Variants in XRN2 observed in about 807,000 individuals in gnomAD.
XRN2 encodes the protein DHM1-like protein.
In XRN2, 44 loss-of-function variants were observed where a neutral mutation model predicts 138.5. That is an observed-to-expected ratio of 0.32 (90% CI 0.25 to 0.41). The LOEUF (loss-of-function observed/expected upper bound fraction) is 0.41, where lower values mean the gene tolerates loss of function less well. XRN2 is among the 10% of genes least tolerant of loss of function. The probability of loss-of-function intolerance (pLI) is 1.00; values close to 1 mark genes in which losing one functional copy is unlikely to be tolerated. For missense variants in XRN2, 937 were observed against 1,169.3 expected (o/e 0.80, Z 2.90); for synonymous variants, 354 against 369.4 (o/e 0.96, Z 0.48).
At chr20:21,364,077 G>T (rs1269327522) in intron 24 of XRN2, among the ~76,000 whole-genome samples, 1 of 151,984 alleles carries the variant, frequency 6.6e-6, no homozygotes. Flanking sequence ...GACTACAGGC[G>T]CCCGCCACCA....
chr20:21,347,069 A>G (rs1214133529), intron 17 of XRN2, among the ~76,000 whole-genome samples: 1 of 152,206 alleles, frequency 6.6e-6, no homozygotes, highest in East Asian at 1.9e-4. Context: ...AAACAAAGCT[A>G]ATTTTTGTTA....
chr20:21,386,820 C>A, intron 28 of XRN2, 48 bp from the exon 29 acceptor site: 1 of 1,572,886 alleles, frequency 6.4e-7, no homozygotes, highest in Non-Finnish European at 8.7e-7. Flanking sequence ...AGGCTTTGTG[C>A]TGTATAATAG....
intron 28 of XRN2, among the ~76,000 whole-genome samples, chr20:21,382,702 T>C (rs921252954): frequency 6.6e-6 from 1 of 152,212 alleles, no homozygotes; most frequent in South Asian, 2.1e-4. Flanking sequence ...CATGGTTTAA[T>C]AACAAGGGAT....
intron 27 of XRN2, among the ~76,000 whole-genome samples, chr20:21,375,279 C>G (rs1205392030): frequency 7.1e-6 from 1 of 141,430 alleles, no homozygotes; most frequent in Non-Finnish European, 1.5e-5. Flanking sequence ...GATATTTGTT[C>G]TTTTCCCTCC....
Position 21,332,399 on chromosome 20 carries a change from G to T in XRN2, c.817G>T (p.Val273Phe), listed in dbSNP as rs763622887. The change falls in exon 9 of 30, where the codon GTC (valine) becomes TTC (phenylalanine). Residue 273 changes from valine (V) to phenylalanine (F), a missense_variant. Coordinates refer to ENST00000377191, the MANE Select transcript of XRN2 (RefSeq NM_012255.5). ...CGLCNQFGHE[V>F]KDCEGLPREK... ...TCTTTGTAATCAGTTTGGACATGAG[G>T]TCAAAGATTGTGAAGGTTTGCCAAG... 1 of 1,612,472 alleles carries T rather than the reference G, an allele frequency of 6.2e-7. No homozygotes were observed. The highest frequency in any genetic ancestry group is 8.5e-7 in the Non-Finnish European group (1 of 1,179,132).
chr20:21,375,903 A>G (rs577227794), intron 27 of XRN2, among the ~76,000 whole-genome samples: 8 of 151,674 alleles, frequency 5.3e-5, no homozygotes, highest in Admixed American at 3.9e-4. Context: ...CAGTGGCGCA[A>G]TCTCGGCTCA....
At chr20:21,317,102 C>G (rs1239389035) in intron 1 of XRN2, among the ~76,000 whole-genome samples, 2 of 152,044 alleles carry the variant, frequency 1.3e-5, no homozygotes, top group Non-Finnish European at 2.9e-5. Flanking sequence ...CTTTTCCTGC[C>G]TAATTGCCCT....
At chr20:21,347,748 C>G (rs2038456260) in intron 17 of XRN2, among the ~76,000 whole-genome samples, 1 of 152,192 alleles carries the variant, frequency 6.6e-6, no homozygotes, top group Non-Finnish European at 1.5e-5. Context: ...ATGTCTCTAA[C>G]CACCTTACAT....
rs1388431573 is a variant in XRN2, at chr20:21,340,740, C to A, written c.1298C>A (p.Thr433Asn). The stretch of plus-strand genomic sequence containing the variant: ...TGTTAGAGAGATCAACCAGCTTTCA[C>A]TCCTAGTGGAATATTAACTCCTCAT... ...KRMKRDQPAFTPSGILTPHAL... is the reference protein window; with the variant it reads ...KRMKRDQPAFNPSGILTPHAL... The change falls in exon 15 of 30, where the codon ACT becomes AAT. Residue 433 changes from threonine (T) to asparagine (N), a missense_variant. By Grantham distance (65) the Thr-to-Asn change is moderately conservative. Transcript: ENST00000377191. The A allele has an allele frequency of 9.9e-6, 16 of 1,613,742 alleles. No homozygotes were observed. The East Asian group carries it at 3.6e-4, about 36-fold the overall frequency.
At chr20:21,326,736 C>A in intron 3 of XRN2, 135 bp downstream of exon 3, 1 of 702,146 alleles carries the variant, frequency 1.4e-6, no homozygotes, top group South Asian at 2.0e-5. Context: ...ATCCTTCAGT[C>A]ATTCATTCAG....
At chr20:21,353,719 T>C (rs1249777465) in intron 20 of XRN2, among the ~76,000 whole-genome samples, 2 of 150,926 alleles carry the variant, frequency 1.3e-5, no homozygotes, top group Admixed American at 1.3e-4. Flanking sequence ...TGCTTGAGCC[T>C]GCAAGTTTGA....
chr20:21,304,499 T>G (rs1254788931), intron 1 of XRN2, among the ~76,000 whole-genome samples: 1 of 152,246 alleles, frequency 6.6e-6, no homozygotes, highest in East Asian at 1.9e-4. Flanking sequence ...TCGAACTTTA[T>G]TGAACTTTAC....
At chr20:21,319,615 A>G (rs1010361120) in intron 1 of XRN2, among the ~76,000 whole-genome samples, 9 of 152,106 alleles carry the variant, frequency 5.9e-5, no homozygotes, top group African/African-American at 2.2e-4. Context: ...TACCCTATGT[A>G]TCTTGCTAGA....
chr20:21,332,166 C>T, intron 8 of XRN2, 117 bp from the exon 9 acceptor site: 1 of 1,268,898 alleles, frequency 7.9e-7, no homozygotes, highest in African/African-American at 1.5e-5. Context: ...TGGGGCTTTG[C>T]TGCTCATTTG....
chr20:21,370,905 G>C (rs567303963), intron 27 of XRN2, among the ~76,000 whole-genome samples: 1 of 152,144 alleles, frequency 6.6e-6, no homozygotes, highest in African/African-American at 2.4e-5. Flanking sequence ...CTTCATGAAG[G>C]CTTTGTTTCT....
chr20:21,316,865 T>G (rs888407103), intron 1 of XRN2, among the ~76,000 whole-genome samples: 5 of 152,234 alleles, frequency 3.3e-5, no homozygotes, highest in Non-Finnish European at 1.5e-5. Flanking sequence ...TTAGCCCTAG[T>G]TTTTTGATAC....
chr20:21,321,517 C>T (rs1568570125), intron 1 of XRN2, among the ~76,000 whole-genome samples: 2 of 151,830 alleles, frequency 1.3e-5, no homozygotes, highest in Non-Finnish European at 1.5e-5. Context: ...CTCCAGGACT[C>T]TTATGTTCCC....
chr20:21,365,320 A>G, intron 24 of XRN2, 101 bp from the exon 25 acceptor site: 3 of 1,134,876 alleles, frequency 2.6e-6, no homozygotes, highest in South Asian at 1.6e-5. Context: ...ATTAACTAAA[A>G]TAATTTTTGG....
chr20:21,387,434 G>T (rs1319627370), intron 29 of XRN2, among the ~76,000 whole-genome samples: 1 of 152,168 alleles, frequency 6.6e-6, no homozygotes, highest in Non-Finnish European at 1.5e-5. Flanking sequence ...CATTTTAGAA[G>T]TCTCCTGCCT....
Sources: gnomAD v4.1 joint callset for allele counts (sites outside exome capture counted in the v4.1 genomes callset) on GRCh38, gnomAD v4.1.1 for gene constraint, MANE v1.5 for transcripts, NCBI Gene and HGNC (gene_info 2026-07-23, HGNC 2026-07-21) for gene names.